Variants in PLEC observed in about 807,000 individuals in gnomAD.
The protein encoded by PLEC is hemidesmosomal protein 1.
In PLEC, 216 loss-of-function variants were observed where a neutral mutation model predicts 392.8. The observed-to-expected ratio is 0.55, with a 90% CI of 0.49 to 0.62. The LOEUF (loss-of-function observed/expected upper bound fraction) is 0.62. PLEC is among the 20% of genes least tolerant of loss of function. The pLI, the probability that PLEC is intolerant of heterozygous loss-of-function variation, is 0.00. For missense variants in PLEC, 6,863 were observed against 6,563.4 expected, an observed-to-expected ratio of 1.05 and a Z score of -1.58; for synonymous variants, 3,621 against 2,980.6, an observed-to-expected ratio of 1.21 and a Z score of -7.00.
Position 143,930,256 on chromosome 8 carries a change from C to T in PLEC, c.2500G>A (p.Ala834Thr). ...KGDECQLVGP[A>T]QPSHWKVLSS... ...AGCACCTTCCAGTGGGACGGCTGTG[C>T]AGGGCCCACCAGCTGGCACTCGTCA... The change falls in exon 21 of 32, where the codon GCA becomes ACA. Residue 834 changes from alanine to threonine, a missense_variant. By Grantham distance (58) the Ala-to-Thr change is moderately conservative. Coordinates refer to ENST00000345136, the MANE Select transcript of PLEC (RefSeq NM_201384.3). 1 of 1,600,632 alleles carries T rather than the reference C, an allele frequency of 6.2e-7. No homozygotes were observed.
At chr8:143,950,520 C>T (rs781895098) in exon 1 of PLEC, 84 of 1,607,436 alleles carry the variant, frequency 5.2e-5, no homozygotes, top group Non-Finnish European at 6.6e-5. Flanking sequence ...GCAAAGGTCT[C>T]GCGGACCAGG....
At position 143,934,995 on chromosome 8, in the gene PLEC, C is replaced by G; in HGVS notation, c.825+16G>C. 6.2e-7 allele frequency: 1 copy of G among 1,611,868 alleles called. No individual in the cohort carries two copies. Among genetic ancestry groups the G allele is most frequent in the Non-Finnish European group, 8.5e-7 (1 of 1,179,504 alleles). ...GTCCAGGCCCAAGCCCCCTGCCCTC[C>G]GGGCCCCCCACTCACGTTGGCCCTC... On this transcript the variant is annotated intron_variant, in intron 8 of 31. Transcript: ENST00000345136.
In PLEC at chr8:143,934,384, T is replaced by C; in HGVS notation, c.1103A>G (p.Lys368Arg). Residue 368 changes from lysine (K) to arginine (R), a missense_variant, in exon 11 of 32, where the codon AAG (lysine) becomes AGG (arginine). Physicochemically the swap from Lys to Arg is conservative, Grantham distance 26 (BLOSUM62 2). Coordinates refer to ENST00000345136, the MANE Select transcript of PLEC (RefSeq NM_201384.3). The part of the protein sequence containing the change: ...PPGYHPLDVE[K>R]EWGKLHVAIL... ...GGCCACGTGCAGCTTGCCCCACTCC[T>C]TCTCCACATCCAGCGGGTGGTAGCC... The C allele has an allele frequency of 1.2e-6, 2 of 1,612,530 alleles. No individual in the cohort carries two copies. The highest frequency in any genetic ancestry group is 1.3e-5 in the African/African-American group (1 of 75,048).
Position 143,919,991 on chromosome 8 carries a change from C to T in PLEC, c.9830G>A (p.Gly3277Asp), listed in dbSNP as rs1441006146. The change falls in exon 32 of 32, where the codon GGC (glycine) becomes GAC (aspartate). Residue 3277 changes from glycine to aspartate, a missense_variant. Coordinates refer to ENST00000345136, the MANE Select transcript of PLEC (RefSeq NM_201384.3). ...RQELLRQFRTGKVTVEKVIKI... is the reference protein window; with the variant it reads ...RQELLRQFRTDKVTVEKVIKI... ...GATGACCTTCTCCACGGTGACCTTG[C>T]CCGTGCGGAACTGACGCAACAGCTC... is the stretch of plus-strand genomic sequence containing the variant. 1.9e-6 allele frequency: 3 copies of T among 1,613,226 alleles called. No homozygotes were observed. The highest frequency in any genetic ancestry group is 2.5e-6 in the Non-Finnish European group (3 of 1,180,040).
upstream of PLEC, among the ~76,000 whole-genome samples, chr8:143,944,141 T>A (rs564562690): frequency 5.5e-4 from 83 of 150,880 alleles, no homozygotes; most frequent in South Asian, 9.7e-3. Context: ...CCGGCTCAGC[T>A]GTCCCTGCGC....
chr8:143,933,183 A>C lies in PLEC; in HGVS notation c.1418+14T>G. 7 of 1,056,596 alleles carry C rather than the reference A, an allele frequency of 6.6e-6. No individual in the cohort carries two copies. Among genetic ancestry groups the C allele is most frequent in the Non-Finnish European group, 9.6e-6 (7 of 730,634 alleles). 65.5% of individuals were successfully genotyped at this position (1,056,596 alleles called of 1,614,324 possible). A position where few individuals can be genotyped will look rare whatever the true frequency, so the allele number is the denominator to read the frequency against. The stretch of plus-strand genomic sequence containing the variant: ...TGTGTACCTGGGCTTCAGGGAGGGC[A>C]GGGCGGGGCCCACCTGCGGTACATC... On this transcript the variant is annotated intron_variant, in intron 13 of 31. Coordinates refer to ENST00000345136, the MANE Select transcript of PLEC (RefSeq NM_201384.3).
rs117853185 is a variant in PLEC, at chr8:143,968,501, G to A, written c.70+4902C>T. Among the ~76,000 whole-genome samples, 88 of 126,472 alleles carry A rather than the reference G, an allele frequency of 7.0e-4. No individual in the cohort carries two copies. The East Asian group carries it at 0.016, about 23-fold the overall frequency. 83.0% of individuals were successfully genotyped at this position (126,472 alleles called of 152,430 possible). A position where few individuals can be genotyped will look rare whatever the true frequency, so the allele number is the denominator to read the frequency against. Reference sequence around the variant, plus strand: ...ACAAGAGTCACTTGAACCTGCTCCAGCCTGGGTGACAGAGCAAAACTCCAT... The same window carrying A: ...ACAAGAGTCACTTGAACCTGCTCCAACCTGGGTGACAGAGCAAAACTCCAT... On this transcript the variant is annotated intron_variant, in intron 1 of 31. Coordinates refer to the PLEC transcript ENST00000356346.
chr8:143,965,572 G>A (rs1833048385), intron 1 of PLEC, among the ~76,000 whole-genome samples: 1 of 152,118 alleles, frequency 6.6e-6, no homozygotes, highest in Non-Finnish European at 1.5e-5. Flanking sequence ...TGGGAGATCT[G>A]GGCACCTGGT....
upstream of PLEC, chr8:143,953,927 G>T: frequency 7.0e-7 from 1 of 1,424,544 alleles, no homozygotes. Context: ...CAATGCGCCG[G>T]ACAGGGCCGC....
rs782260151 is a variant in PLEC at position 143,923,067 on chromosome 8, G to C, written c.6862C>G (p.Gln2288Glu). 1 of 1,609,780 alleles carries C rather than the reference G, an allele frequency of 6.2e-7. No homozygotes were observed. ...EEAARLSVAA[Q>E]EAARLRQLAE... is the part of the protein sequence containing the mutation. ...AGCTGCCGCAGTCGCGCAGCCTCTT[G>C]GGCCGCCACACTCAGCCGCGCGGCC... The change falls in exon 31 of 32, where the codon CAA (glutamine) becomes GAA (glutamate). Residue 2288 changes from glutamine (Q) to glutamate (E), a missense_variant. By Grantham distance (29) the Gln-to-Glu change is conservative. Transcript: ENST00000345136.
In PLEC at chr8:143,916,867, G is replaced by A. The variant is rs200622009; in HGVS notation, c.12954C>T (p.Thr4318=). 1.4e-4 allele frequency: 218 copies of A among 1,612,666 alleles called. 1 individual carries two copies. In the East Asian group the frequency reaches 2.6e-3, roughly 19 times the overall value. The change falls in exon 32 of 32, where the codon ACC becomes ACT. Residue 4318 remains threonine (T), a synonymous_variant. Transcript: ENST00000345136. ...CGGTGCTGGGGTCGATGATGCCCCC[G>A]GTGCAGGCCTGCGCCTCCAGCAGCC... is the stretch of plus-strand genomic sequence containing the variant. ...GQRLLEAQAC[T]GGIIDPSTGE...
In PLEC at chr8:143,919,779, G is replaced by A. The variant is rs782069625; in HGVS notation, c.10042C>T (p.Arg3348Trp). 42 of 1,612,106 alleles carry A rather than the reference G, an allele frequency of 2.6e-5. 1 individual carries two copies. Among genetic ancestry groups the A allele is most frequent in the South Asian group, 4.4e-5 (4 of 91,070 alleles). ...CAGCCACTGCCCTGCAGCAGCGTCC[G>A]CACGGAGCCCAGCTCCGAAAGGTCC... ...VKDLSELGSV[R>W]TLLQGSGCLA... The change falls in exon 32 of 32, where the codon CGG becomes TGG. Residue 3348 changes from arginine (R) to tryptophan (W), a missense_variant. By Grantham distance (101) the Arg-to-Trp change is moderately radical. Coordinates refer to ENST00000345136, the MANE Select transcript of PLEC (RefSeq NM_201384.3).
chr8:143,921,469 C>T lies in PLEC; in HGVS notation c.8352G>A (p.Gln2784=), dbSNP rs782100988. 1.2e-6 allele frequency: 2 copies of T among 1,613,248 alleles called. No individual in the cohort carries two copies. Among genetic ancestry groups the T allele is most frequent in the Non-Finnish European group, 1.7e-6 (2 of 1,179,842 alleles). The change falls in exon 32 of 32, where the codon CAG becomes CAA. Residue 2784 remains glutamine, a synonymous_variant. Transcript: ENST00000345136. ...GCATGGCTTGGAAGAGAGAGATCTGCTGGCCAGTGTAGGGGTCCTTGTAGC... is the reference window on the plus strand; with the variant it reads ...GCATGGCTTGGAAGAGAGAGATCTGTTGGCCAGTGTAGGGGTCCTTGTAGC... ...VTGYKDPYTG[Q]QISLFQAMQK...
chr8:143,931,950 G>T lies in PLEC; in HGVS notation c.2165C>A (p.Ala722Asp). ...TCCGGTTCTCACCTGAAAGTAGGCAGCGTTCTCCTTCAGGTGTGCCTCGAT... is the reference window on the plus strand; with the variant it reads ...TCCGGTTCTCACCTGAAAGTAGGCATCGTTCTCCTTCAGGTGTGCCTCGAT... ...CCIEAHLKEN[A>D]AYFQFFSDVR... The change falls in exon 18 of 32, where the codon GCT becomes GAT. Residue 722 changes from alanine to aspartate, a missense_variant. Physicochemically the swap from Ala to Asp is moderately radical, Grantham distance 126. Coordinates refer to ENST00000345136, the MANE Select transcript of PLEC (RefSeq NM_201384.3). 1.2e-6 allele frequency: 2 copies of T among 1,606,630 alleles called. No homozygotes were observed. The highest frequency in any genetic ancestry group is 1.7e-5 in the Admixed American group (1 of 59,600).
At position 143,927,420 on chromosome 8, in the gene PLEC, C is replaced by T. The variant is rs11136334; in HGVS notation, c.3746G>A (p.Arg1249Gln). The change falls in exon 27 of 32, where the codon CGG becomes CAG. Residue 1249 changes from arginine (R) to glutamine (Q), a missense_variant. Physicochemically the swap from Arg to Gln is conservative, Grantham distance 43. Transcript: ENST00000345136. ...CCGACCCAAGCCCACCTGCTCCTGC[C>T]GCAGCTGCTCCCGCACAGCCTGGCT... is the stretch of plus-strand genomic sequence containing the variant. Reference protein sequence around the residue: ...ADSQAVREQLRQEQALLEEIE... With the variant: ...ADSQAVREQLQQEQALLEEIE... The T allele has an allele frequency of 0.39, 621,217 of 1,602,796 alleles. 126,919 individuals are homozygous for T. The highest frequency in any genetic ancestry group is 0.42 in the Non-Finnish European group (496,602 of 1,178,560).
chr8:143,975,445 C>A, upstream of PLEC: 1 of 1,345,410 alleles, frequency 7.4e-7, no homozygotes, highest in African/African-American at 1.4e-5. The surrounding 1 kb of genome is among the most constrained non-coding windows in gnomAD (Gnocchi z 9.9). Flanking sequence ...GACCCACCCA[C>A]CACCTTCTTA....
At chr8:143,944,577 C>A, upstream of PLEC, 1 of 988,314 alleles carries the variant, frequency 1.0e-6, no homozygotes, top group South Asian at 2.5e-5. Flanking sequence ...CAGCCTCAGC[C>A]CCAGCCCTCT....
At position 143,918,499 on chromosome 8, in the gene PLEC, G is replaced by C. The variant is rs781796150; in HGVS notation, c.11322C>G (p.Pro3774=). The C allele has an allele frequency of 1.2e-6, 2 of 1,603,950 alleles. No homozygotes were observed. Among genetic ancestry groups the C allele is most frequent in the South Asian group, 2.2e-5 (2 of 90,312 alleles). Residue 3774 remains proline (P), a synonymous_variant, in exon 32 of 32, where the codon CCC becomes CCG. Coordinates refer to ENST00000345136, the MANE Select transcript of PLEC (RefSeq NM_201384.3). Reference sequence around the variant, plus strand: ...AGAGCGAGATGGTCTGCTCGGTGTAGGGGTCACGGTAGCCGGTGACCGCCC... The same window carrying C: ...AGAGCGAGATGGTCTGCTCGGTGTACGGGTCACGGTAGCCGGTGACCGCCC... ...AERAVTGYRD[P]YTEQTISLFQ...
Position 143,923,701 on chromosome 8 carries a change from C to T in PLEC, c.6228G>A (p.Leu2076=). 3 of 1,545,830 alleles carry T rather than the reference C, an allele frequency of 1.9e-6. No homozygotes were observed. The highest frequency in any genetic ancestry group is 2.6e-6 in the Non-Finnish European group (3 of 1,151,880). ...QQTLQQEQSV[L]DQLRGEAEAA... ...CCTCCGCCTCGCCGCGCAGCTGGTC[C>T]AGCACGCTCTGCTCCTGCTGCAGCG... Residue 2076 remains leucine (L), a synonymous_variant, in exon 31 of 32, where the codon CTG becomes CTA. Coordinates refer to ENST00000345136, the MANE Select transcript of PLEC (RefSeq NM_201384.3).
Sources: gnomAD v4.1 joint callset for allele counts (sites outside exome capture counted in the v4.1 genomes callset) on GRCh38, gnomAD v4.1.1 for gene constraint, Gnocchi (gnomAD v3.1) non-coding constraint, MANE v1.5 for transcripts, NCBI Gene and HGNC (gene_info 2026-07-23, HGNC 2026-07-21) for gene names.